CACNA1C: variants seen among roughly 807,000 people sequenced by gnomAD.
The protein encoded by CACNA1C is voltage-dependent L-type calcium channel subunit alpha-1C.
CACNA1C carries 30 observed loss-of-function variants against 229.0 expected under a neutral mutation model. That is an observed-to-expected ratio of 0.13 (90% confidence interval 0.10 to 0.18). The LOEUF is 0.18. CACNA1C is among the 10% of genes least tolerant of loss of function. The pLI is 1.00. For missense variants in CACNA1C, 1,658 were observed against 2,845.0 expected (o/e 0.58, Z 9.49); for synonymous variants, 1,114 against 1,132.5 (o/e 0.98, Z 0.33).
chr12:2,052,171 T>C (rs1292808481), upstream of CACNA1C, among the ~76,000 whole-genome samples: 2 of 152,072 alleles, frequency 1.3e-5, no homozygotes. Flanking sequence ...CAGAAATAAT[T>C]AAGAGAAGTA....
chr12:2,539,311 G>T (rs2099863720), intron 9 of CACNA1C, among the ~76,000 whole-genome samples: 1 of 11,470 alleles, frequency 8.7e-5, no homozygotes, highest in Non-Finnish European at 1.6e-4. Flanking sequence ...TAAAGATGCA[G>T]GCAGGGTTTA....
At chr12:2,641,855 A>T (rs2093737737) in intron 30 of CACNA1C, 1 of 693,196 alleles carries the variant, frequency 1.4e-6, no homozygotes, top group Admixed American at 2.0e-5. Context: ...TCTGCTTAAG[A>T]GTATGGCTGG....
intron 3 of CACNA1C, among the ~76,000 whole-genome samples, chr12:2,272,920 T>C (rs1185005695): frequency 6.6e-6 from 1 of 152,270 alleles, no homozygotes; most frequent in African/African-American, 2.4e-5. Flanking sequence ...TGTTGGCCCT[T>C]AAAAAGAAAC....
chr12:2,225,917 A>T (rs2154355738), intron 3 of CACNA1C, among the ~76,000 whole-genome samples: 1 of 152,294 alleles, frequency 6.6e-6, no homozygotes, highest in East Asian at 1.9e-4. Flanking sequence ...TGTCTGAATC[A>T]TCTTGAGAAA....
intron 3 of CACNA1C, among the ~76,000 whole-genome samples, chr12:2,417,545 A>AG (rs1235442888): frequency 6.6e-6 from 1 of 152,194 alleles, no homozygotes; most frequent in African/African-American, 2.4e-5. Context: ...TGTCGGATCA[A>AG]GGGGCCCTGT....
In CACNA1C at chr12:2,679,086, C is replaced by G. The variant is rs1316642398; in HGVS notation, c.5092-358C>G. ...GCTGGCTGCTCTTAGGGACCACCAT[C>G]CTAGACGTGCCCTGGAAACTCACTC... On this transcript the variant is annotated intron_variant, in intron 41 of 46. Transcript: ENST00000399655. The surrounding 1 kb of genome is among the most constrained non-coding windows in gnomAD (Gnocchi z 5.5). Among the ~76,000 whole-genome samples, 3 of 152,208 alleles carry G rather than the reference C, an allele frequency of 2.0e-5. No individual in the cohort carries two copies. The highest frequency in any genetic ancestry group is 2.0e-4 in the Admixed American group (3 of 15,286).
At chr12:2,090,310 CTT>C (rs145675982) in intron 1 of CACNA1C, among the ~76,000 whole-genome samples, 2,487 of 68,696 alleles carry the variant, frequency 0.036, 9 homozygotes, top group African/African-American at 0.076. Context: ...GGATAGACTA[CTT>C]TTTTTTTTTT....
At chr12:2,419,897 T>G (rs1362990360) in intron 3 of CACNA1C, among the ~76,000 whole-genome samples, 1 of 152,088 alleles carries the variant, frequency 6.6e-6, no homozygotes, top group Non-Finnish European at 1.5e-5. Flanking sequence ...TCATCATGGG[T>G]GCCGGGGCCC....
intron 8 of CACNA1C, among the ~76,000 whole-genome samples, chr12:2,511,650 C>G (rs2099784280): frequency 6.6e-6 from 1 of 151,978 alleles, no homozygotes; most frequent in African/African-American, 2.4e-5. Flanking sequence ...CATATCAAAA[C>G]CAAAAATACT....
intron 3 of CACNA1C, among the ~76,000 whole-genome samples, chr12:2,300,059 A>T (rs1242536591): frequency 6.6e-6 from 1 of 152,260 alleles, no homozygotes; most frequent in Non-Finnish European, 1.5e-5. Context: ...AGAATGAAGT[A>T]AAAAATTCTG....
At chr12:2,209,117 C>A (rs2097846002) in intron 3 of CACNA1C, among the ~76,000 whole-genome samples, 1 of 152,214 alleles carries the variant, frequency 6.6e-6, no homozygotes, top group South Asian at 2.1e-4. Flanking sequence ...GCTATCACCC[C>A]CCTGGTTCCC....
chr12:2,170,999 G>C lies in CACNA1C; in HGVS notation c.477+50569G>C, dbSNP rs918773054. Among the ~76,000 whole-genome samples, 5 of 152,242 alleles carry C rather than the reference G, an allele frequency of 3.3e-5. No homozygotes were observed. The East Asian group carries it at 7.7e-4, about 23-fold the overall frequency. The stretch of plus-strand genomic sequence containing the variant: ...GGCACTCCCATCTGCACAGTGCCCT[G>C]TGGCAGGGAGAGATGGCCTCAGAGC... On this transcript the variant is annotated intron_variant, in intron 3 of 46. Transcript: ENST00000399655.
chr12:2,428,070 G>A lies in CACNA1C; in HGVS notation c.478-20906G>A, dbSNP rs145548676. 6.6e-5 allele frequency among the ~76,000 whole-genome samples: 10 copies of A among 152,294 alleles called. No homozygotes were observed. The East Asian group carries it at 1.9e-3, about 29-fold the overall frequency. ...AAGGAAAGACTGTCTCTTATTACTT[G>A]CTTGTAAATGGAAAACCTGTTTTAA... On this transcript the variant is annotated intron_variant, in intron 3 of 46. Coordinates refer to ENST00000399655, the MANE Select transcript of CACNA1C (RefSeq NM_000719.7).
intron 3 of CACNA1C, among the ~76,000 whole-genome samples, chr12:2,269,106 T>A (rs1337683149): frequency 6.6e-6 from 1 of 152,206 alleles, no homozygotes; most frequent in Non-Finnish European, 1.5e-5. Context: ...ATACTCATGC[T>A]TTGTCAAAAC....
chr12:2,319,872 G>C lies in CACNA1C; in HGVS notation c.478-129104G>C, dbSNP rs967238290. On this transcript the variant is annotated intron_variant, in intron 3 of 46. Transcript: ENST00000399655. The surrounding 1 kb of genome is among the most constrained non-coding windows in gnomAD (Gnocchi z 4.0). ...CCCAGACATTTCACTTCATTCCTTA[G>C]GTGTGAGTCATGTTCACATTTCAGG... Among the ~76,000 whole-genome samples, 6 of 152,182 alleles carry C rather than the reference G, an allele frequency of 3.9e-5. No homozygotes were observed. The highest frequency in any genetic ancestry group is 1.4e-4 in the African/African-American group (6 of 41,512).
At chr12:2,584,664 G>A (rs1285082896) in intron 16 of CACNA1C, 47 bp downstream of exon 16, 7 of 1,266,124 alleles carry the variant, frequency 5.5e-6, no homozygotes, top group Non-Finnish European at 8.0e-6. Flanking sequence ...GGCTCCCATT[G>A]TGGAATGTCT....
Position 2,410,224 on chromosome 12 carries a change from T to C in CACNA1C, c.478-38752T>C, listed in dbSNP as rs373154872. Among the ~76,000 whole-genome samples the C allele has an allele frequency of 3.3e-5, 5 of 152,180 alleles. No individual in the cohort carries two copies. Among genetic ancestry groups the C allele is most frequent in the East Asian group, 3.9e-4 (2 of 5,184 alleles). ...CTGAGGCTTGGCCAGTCGTGATGCC[T>C]ATGGCGACCGCAGAATCGACCTCAA... On this transcript the variant is annotated intron_variant, in intron 3 of 46. Coordinates refer to ENST00000399655, the MANE Select transcript of CACNA1C (RefSeq NM_000719.7). The surrounding 1 kb of genome is among the most constrained non-coding windows in gnomAD (Gnocchi z 5.3).
chr12:2,427,999 C>T (rs1043493815), intron 3 of CACNA1C, among the ~76,000 whole-genome samples: 9 of 152,228 alleles, frequency 5.9e-5, no homozygotes, highest in African/African-American at 1.7e-4. Flanking sequence ...TCAGATCAAA[C>T]ACTCGGCCTG....
intron 1 of CACNA1C, among the ~76,000 whole-genome samples, chr12:2,071,020 TTCCTTCC>T (rs1352254731): frequency 1.4e-4 from 18 of 126,152 alleles, no homozygotes; most frequent in Non-Finnish European, 8.3e-5. Context: ...TTCTCCTTCC[TTCCTTCC>T]TCCTTCCTTC....
Sources: allele counts gnomAD v4.1 joint callset (sites outside exome capture counted in the v4.1 genomes callset), GRCh38; gene constraint gnomAD v4.1.1; non-coding constraint Gnocchi (gnomAD v3.1); transcripts MANE v1.5; gene names NCBI Gene and HGNC (gene_info 2026-07-23, HGNC 2026-07-21).